ZFAND3: variants seen among roughly 807,000 people sequenced by gnomAD.
ZFAND3 encodes AN1-type zinc finger protein 3.
In ZFAND3, 10 loss-of-function variants were observed where a neutral mutation model predicts 29.6. The observed-to-expected ratio is 0.34, with a 90% confidence interval of 0.21 to 0.57. The LOEUF is 0.57. ZFAND3 is among the 20% of genes least tolerant of loss of function. The pLI, the probability that ZFAND3 is intolerant of heterozygous loss-of-function variation, is 0.86. For synonymous variants in ZFAND3, 128 were observed against 112.6 expected (o/e 1.14, Z -0.87); for missense variants, 230 against 304.5 (o/e 0.76, Z 1.82).
intron 2 of ZFAND3, among the ~76,000 whole-genome samples, chr6:38,040,247 A>G (rs1763734312): frequency 6.6e-6 from 1 of 152,146 alleles, no homozygotes; most frequent in Admixed American, 6.5e-5. Flanking sequence ...ATTTTTAAAA[A>G]TTCATTATAT....
chr6:38,060,744 C>T (rs952995287), intron 2 of ZFAND3, among the ~76,000 whole-genome samples: 2 of 152,074 alleles, frequency 1.3e-5, no homozygotes, highest in African/African-American at 2.4e-5. Context: ...AGCTACTGTG[C>T]CCTGCCTGTT....
In ZFAND3 at chr6:38,036,067, G is replaced by C. The variant is rs79536390; in HGVS notation, c.113-25526G>C. ...AGAATTCAGGGTCCCCTCTCTCCCA[G>C]ACTCTTGAGTCTGTTCTCCCTGGCT... is the stretch of plus-strand genomic sequence containing the variant. On this transcript the variant is annotated intron_variant, in intron 2 of 5. Coordinates refer to ENST00000287218, the MANE Select transcript of ZFAND3 (RefSeq NM_021943.3). Among the ~76,000 whole-genome samples the C allele has an allele frequency of 1.6e-4, 25 of 152,262 alleles. No individual in the cohort carries two copies. The East Asian group carries it at 4.8e-3, about 29-fold the overall frequency.
intron 2 of ZFAND3, among the ~76,000 whole-genome samples, chr6:37,977,083 C>T (rs1272582699): frequency 6.6e-6 from 1 of 152,110 alleles, no homozygotes; most frequent in African/African-American, 2.4e-5. Context: ...GTGCTAACAT[C>T]ATAGAGTATA....
At chr6:38,114,929 A>C (rs560620612) in intron 4 of ZFAND3, among the ~76,000 whole-genome samples, 1 of 152,358 alleles carries the variant, frequency 6.6e-6, no homozygotes, top group Non-Finnish European at 1.5e-5. Flanking sequence ...CTTTTAGGGC[A>C]TAATGTTAAA....
chr6:37,925,271 C>CT (rs1761462070), intron 1 of ZFAND3, among the ~76,000 whole-genome samples: 1 of 151,922 alleles, frequency 6.6e-6, no homozygotes, highest in South Asian at 2.1e-4. Flanking sequence ...TTACAGTGGC[C>CT]TAGGTGAGAG....
intron 2 of ZFAND3, among the ~76,000 whole-genome samples, chr6:38,060,888 A>G (rs1441441722): frequency 2.0e-5 from 3 of 152,198 alleles, no homozygotes; most frequent in Non-Finnish European, 4.4e-5. Context: ...CTGCAGAACC[A>G]TCGTATATGG....
rs902850536 is a variant in ZFAND3 at position 38,153,142 on chromosome 6, C to T, written c.*753C>T. 9 of 985,400 alleles carry T rather than the reference C, an allele frequency of 9.1e-6. No homozygotes were observed. The highest frequency in any genetic ancestry group is 7.0e-5 in the African/African-American group (4 of 57,260). The allele number at this position is 985,400 out of a possible 1,614,324, so 61.0% of individuals were successfully genotyped here. ...AGAAGCAGCCAGAGTGCCCCGCCTC[C>T]GCCGGCTCTGGTCTGCCATTCGCCA... On this transcript the variant is annotated 3_prime_UTR_variant, in exon 6 of 6. Transcript: ENST00000287218.
At chr6:37,893,752 C>A (rs1765146672) in intron 1 of ZFAND3, among the ~76,000 whole-genome samples, 1 of 152,000 alleles carries the variant, frequency 6.6e-6, no homozygotes, top group African/African-American at 2.4e-5. Context: ...CGTGGTTTTA[C>A]CATGTTGGCC....
At chr6:37,823,557 A>C (rs1237429518) in intron 1 of ZFAND3, among the ~76,000 whole-genome samples, 1 of 152,100 alleles carries the variant, frequency 6.6e-6, no homozygotes, top group Non-Finnish European at 1.5e-5. Flanking sequence ...TTCTCTTGTG[A>C]GAATGCAGTT....
In ZFAND3 at chr6:37,860,746, GT is replaced by G. The variant is rs201658399; in HGVS notation, c.71+40741del. 4.0e-3 allele frequency among the ~76,000 whole-genome samples: 548 copies of G among 135,838 alleles called. 4 individuals are homozygous for G. The highest frequency in any genetic ancestry group is 3.8e-3 in the Middle Eastern group (1 of 264). 89.1% of individuals were successfully genotyped at this position (135,838 alleles called of 152,430 possible). Reference sequence around the variant, plus strand: ...CCACATCAGGTACCTTTTTCACCCAGTTTTTTTTTTTCAAACAGAACAACTT... The same window carrying G: ...CCACATCAGGTACCTTTTTCACCCAGTTTTTTTTTTCAAACAGAACAACTT... On this transcript the variant is annotated intron_variant, in intron 1 of 5. Transcript: ENST00000287218.
At chr6:37,878,476 G>GGC (rs1192477082) in intron 1 of ZFAND3, among the ~76,000 whole-genome samples, 1 of 151,962 alleles carries the variant, frequency 6.6e-6, no homozygotes, top group African/African-American at 2.4e-5. Context: ...TGAGAGGTGA[G>GGC]GCAGGGCTTG....
intron 4 of ZFAND3, among the ~76,000 whole-genome samples, chr6:38,100,912 C>G (rs1326923040): frequency 6.6e-6 from 1 of 152,188 alleles, no homozygotes; most frequent in African/African-American, 2.4e-5. Context: ...TATCCCTGAC[C>G]ATTTGAGTAA....
chr6:37,864,738 T>C (rs940194428), intron 1 of ZFAND3, among the ~76,000 whole-genome samples: 6 of 148,876 alleles, frequency 4.0e-5, no homozygotes, highest in Non-Finnish European at 9.0e-5. Context: ...TATGTGGTTA[T>C]ACACACACAC....
In ZFAND3 at chr6:37,819,845, C is replaced by CG; in HGVS notation, c.-101_-100insG. 1 of 789,372 alleles carries CG rather than the reference C, an allele frequency of 1.3e-6. No individual in the cohort carries two copies. The highest frequency in any genetic ancestry group is 1.6e-6 in the Non-Finnish European group (1 of 620,262). The allele number at this position is 789,372 out of a possible 1,614,324, so 48.9% of individuals were successfully genotyped here. Reference sequence around the variant, plus strand: ...GCCCGCTCCTTCCCCCTCCCCCCGCCCCGAGCCCCCCGACGCCGCCGCCAC... The same window carrying CG: ...GCCCGCTCCTTCCCCCTCCCCCCGCCGCCGAGCCCCCCGACGCCGCCGCCAC... On this transcript the variant is annotated 5_prime_UTR_variant, in exon 1 of 6. Transcript: ENST00000287218.
intron 2 of ZFAND3, among the ~76,000 whole-genome samples, chr6:38,041,659 T>TTCC: frequency 3.6e-5 from 1 of 28,044 alleles, no homozygotes; most frequent in South Asian, 3.1e-3. Context: ...CTTCTTCTTC[T>TTCC]TCTTCTTCTT....
chr6:37,976,000 A>G lies in ZFAND3; in HGVS notation c.112+46001A>G, dbSNP rs566833678. On this transcript the variant is annotated intron_variant, in intron 2 of 5. Coordinates refer to ENST00000287218, the MANE Select transcript of ZFAND3 (RefSeq NM_021943.3). ...CATCTTAACAATGTTGAGTCTTTCAATCTATGATAGAAGTGATCTCTCTTT... is the reference window on the plus strand; with the variant it reads ...CATCTTAACAATGTTGAGTCTTTCAGTCTATGATAGAAGTGATCTCTCTTT... Among the ~76,000 whole-genome samples, 84 of 152,270 alleles carry G rather than the reference A, an allele frequency of 5.5e-4. 2 individuals carry two copies. In the South Asian group the frequency reaches 0.015, roughly 27 times the overall value.
At chr6:38,072,156 CTCTCTG>C (rs1422572566) in intron 3 of ZFAND3, among the ~76,000 whole-genome samples, 2 of 143,516 alleles carry the variant, frequency 1.4e-5, no homozygotes, top group Admixed American at 7.1e-5. Context: ...CTCTCTCTCT[CTCTCTG>C]TCTCTGTCTC....
At chr6:37,956,121 T>G (rs2127422654) in intron 2 of ZFAND3, among the ~76,000 whole-genome samples, 1 of 152,286 alleles carries the variant, frequency 6.6e-6, no homozygotes, top group South Asian at 2.1e-4. Flanking sequence ...AATTGCCACG[T>G]TAAGATGAGG....
intron 3 of ZFAND3, among the ~76,000 whole-genome samples, chr6:38,078,729 C>T (rs1232772091): frequency 2.6e-5 from 4 of 152,192 alleles, no homozygotes; most frequent in African/African-American, 4.8e-5. Flanking sequence ...TCAACACACA[C>T]ACATACGTAC....
Sources: gnomAD v4.1 joint callset for allele counts (sites outside exome capture counted in the v4.1 genomes callset) on GRCh38, gnomAD v4.1.1 for gene constraint, MANE v1.5 for transcripts, NCBI Gene and HGNC (gene_info 2026-07-23, HGNC 2026-07-21) for gene names.